TRPM3: variants seen among roughly 807,000 people sequenced by gnomAD.
TRPM3 encodes the protein transient receptor potential cation channel subfamily M member 3.
TRPM3 carries 77 observed loss-of-function variants against 181.2 expected under a neutral mutation model. That is an observed-to-expected ratio of 0.42 (90% CI 0.35 to 0.51). TRPM3 has a LOEUF of 0.51. Among genes scored for constraint, TRPM3 ranks in the 20% least tolerant of loss-of-function variants. The probability of loss-of-function intolerance (pLI) is 0.01; values close to 1 mark genes in which losing one functional copy is unlikely to be tolerated. For synonymous variants in TRPM3, 745 were observed against 796.4 expected (o/e 0.94, Z 1.09); for missense variants, 1,759 against 2,196.7 (o/e 0.80, Z 3.98).
chr9:70,867,069 G>A (rs2095664733), intron 1 of TRPM3, among the ~76,000 whole-genome samples: 1 of 152,022 alleles, frequency 6.6e-6, no homozygotes, highest in South Asian at 2.1e-4. Flanking sequence ...CTGGCTCCCA[G>A]AGACAGGTCT....
At chr9:70,741,947 C>T (rs2074196757) in intron 8 of TRPM3, among the ~76,000 whole-genome samples, 1 of 152,090 alleles carries the variant, frequency 6.6e-6, no homozygotes, top group Non-Finnish European at 1.5e-5. Flanking sequence ...AACCAAACAC[C>T]ATCTGTTCCC....
At chr9:71,343,108 G>C (rs1043777504) in intron 1 of TRPM3, among the ~76,000 whole-genome samples, 3 of 152,084 alleles carry the variant, frequency 2.0e-5, no homozygotes, top group Middle Eastern at 3.4e-3. Flanking sequence ...GGAAGGGAGG[G>C]GGGTAAAAGA....
chr9:70,980,067 G>GCACA lies in TRPM3; in HGVS notation c.178-115560_178-115557dup, dbSNP rs10527749. 4.8e-3 allele frequency among the ~76,000 whole-genome samples: 660 copies of GCACA among 137,960 alleles called. 9 individuals carry two copies. Among genetic ancestry groups the GCACA allele is most frequent in the African/African-American group, 0.017 (592 of 34,906 alleles). 90.5% of individuals were successfully genotyped at this position (137,960 alleles called of 152,430 possible). ...AGCATGTGTGGCCATGCATGTGCGTGCACACACACACACACACACACACAC... is the reference window on the plus strand; with the variant it reads ...AGCATGTGTGGCCATGCATGTGCGTGCACACACACACACACACACACACACACAC... On this transcript the variant is annotated intron_variant, in intron 1 of 25. Transcript: ENST00000677713.
At position 70,598,579 on chromosome 9, in the gene TRPM3, A is replaced by C; in HGVS notation, c.2888T>G (p.Leu963Arg). 6.2e-7 allele frequency: 1 copy of C among 1,614,230 alleles called. No individual in the cohort carries two copies. The highest frequency in any genetic ancestry group is 8.5e-7 in the Non-Finnish European group (1 of 1,180,030). The change falls in exon 21 of 26, where the codon CTG becomes CGG. Residue 963 changes from leucine to arginine, a missense_variant. Leu to Arg is a moderately radical substitution (Grantham distance 102, BLOSUM62 -2). Around this residue, in one of 8 missense-constraint regions of TRPM3, gnomAD observed 100 missense variants for 123.0 expected, o/e 0.81. Coordinates refer to ENST00000677713, the MANE Select transcript of TRPM3 (RefSeq NM_001366145.2). ...ACGAAGGATCATTCCGACAGAAAAC[A>C]GAAGGATGGCGATGAGGTCCGTGAC... The part of the protein sequence containing the change: ...WNVTDLIAIL[L>R]FSVGMILRLQ...
At chr9:71,372,669 T>C (rs971464403) in intron 1 of TRPM3, among the ~76,000 whole-genome samples, 5 of 152,182 alleles carry the variant, frequency 3.3e-5, no homozygotes, top group African/African-American at 1.2e-4. Flanking sequence ...GAAGAGTCTG[T>C]TCATGTTCTT....
chr9:71,086,381 A>AT (rs1399822407), intron 1 of TRPM3, among the ~76,000 whole-genome samples: 9 of 152,092 alleles, frequency 5.9e-5, no homozygotes, highest in Middle Eastern at 3.4e-3. Context: ...ATTCATTCTC[A>AT]TTTTTTCTCC....
chr9:71,272,126 T>C (rs1368627062), intron 1 of TRPM3, among the ~76,000 whole-genome samples: 1 of 152,118 alleles, frequency 6.6e-6, no homozygotes, highest in African/African-American at 2.4e-5. Context: ...ATAAATTGAA[T>C]TGAGAGAGCA....
rs1052296582 is a variant in TRPM3 at position 71,155,095 on chromosome 9, G to A, written c.184-290584C>T. On this transcript the variant is annotated intron_variant, in intron 1 of 24. Coordinates refer to the TRPM3 transcript ENST00000357533. ...AAGGCTTTATCAAATAGTATTAATT[G>A]TAAACTGAATCCAGCACACCCCTAT... is the stretch of plus-strand genomic sequence containing the variant. 2.0e-5 allele frequency among the ~76,000 whole-genome samples: 3 copies of A among 152,060 alleles called. No homozygotes were observed. The East Asian group carries it at 5.8e-4, about 29-fold the overall frequency.
chr9:70,977,357 A>G (rs902395434), intron 1 of TRPM3, among the ~76,000 whole-genome samples: 4 of 152,192 alleles, frequency 2.6e-5, no homozygotes, highest in Non-Finnish European at 4.4e-5. Context: ...GATGGGCTCC[A>G]TCTCCTGACC....
intron 1 of TRPM3, among the ~76,000 whole-genome samples, chr9:71,088,633 C>T (rs148682961): frequency 9.4e-4 from 143 of 152,160 alleles, no homozygotes; most frequent in Admixed American, 2.6e-3. Context: ...AGCCAATTGA[C>T]ATTACTAGGT....
chr9:70,827,410 G>A (rs1206624359), intron 6 of TRPM3: 1 of 152,804 alleles, frequency 6.5e-6, no homozygotes, highest in Non-Finnish European at 1.5e-5. Flanking sequence ...TTAGCTTAGA[G>A]AGTGAATGTT....
At chr9:70,789,577 A>G (rs540839764) in intron 6 of TRPM3, among the ~76,000 whole-genome samples, 7 of 152,280 alleles carry the variant, frequency 4.6e-5, no homozygotes, top group African/African-American at 1.7e-4. Context: ...TTCTACCATC[A>G]CCAAAGACTT....
intron 1 of TRPM3, among the ~76,000 whole-genome samples, chr9:71,284,425 C>T (rs1370465244): frequency 6.6e-6 from 1 of 152,108 alleles, no homozygotes; most frequent in Non-Finnish European, 1.5e-5. Context: ...GTGAAGAAAA[C>T]GTGGAGAATA....
chr9:71,432,394 T>G (rs1324714146), intron 1 of TRPM3, among the ~76,000 whole-genome samples: 1 of 150,436 alleles, frequency 6.6e-6, no homozygotes, highest in Non-Finnish European at 1.5e-5. Flanking sequence ...GCCTATTCAT[T>G]TGGGATGTTT....
chr9:70,767,015 C>T (rs562119121), intron 7 of TRPM3, among the ~76,000 whole-genome samples: 16 of 152,330 alleles, frequency 1.1e-4, no homozygotes, highest in East Asian at 5.8e-4. Flanking sequence ...CCTGCACAAG[C>T]GTATGCATTA....
intron 1 of TRPM3, among the ~76,000 whole-genome samples, chr9:71,347,537 T>TA (rs2091367101): frequency 6.6e-6 from 1 of 152,222 alleles, no homozygotes; most frequent in Non-Finnish European, 1.5e-5. Flanking sequence ...TGGTTAGTTT[T>TA]AAAATCACAA....
rs564673922 is a variant in TRPM3 at position 70,955,377 on chromosome 9, A to C, written c.178-90866T>G. On this transcript the variant is annotated intron_variant, in intron 1 of 25. Transcript: ENST00000677713. Reference sequence around the variant, plus strand: ...CATCCAATTATTTTTATTTTCATTTATACTTCATGTTCCTGTCTTCAGATA... The same window carrying C: ...CATCCAATTATTTTTATTTTCATTTCTACTTCATGTTCCTGTCTTCAGATA... 6.5e-4 allele frequency among the ~76,000 whole-genome samples: 99 copies of C among 152,272 alleles called. 1 individual carries two copies. Among genetic ancestry groups the C allele is most frequent in the Admixed American group, 2.2e-3 (33 of 15,278 alleles).
chr9:70,972,247 T>C (rs1329582118), intron 1 of TRPM3, among the ~76,000 whole-genome samples: 1 of 152,210 alleles, frequency 6.6e-6, no homozygotes, highest in Non-Finnish European at 1.5e-5. Context: ...AGGAATACAA[T>C]TGTGATTCAT....
chr9:70,582,491 G>T (rs958362234), intron 22 of TRPM3, among the ~76,000 whole-genome samples: 2 of 152,146 alleles, frequency 1.3e-5, no homozygotes, highest in Non-Finnish European at 2.9e-5. Context: ...TGGAGATACT[G>T]CAGTGAACAA....
Sources: allele counts gnomAD v4.1 joint callset (sites outside exome capture counted in the v4.1 genomes callset), GRCh38; gene constraint gnomAD v4.1.1; regional missense constraint gnomAD v4.1.1; transcripts MANE v1.5; gene names NCBI Gene and HGNC (gene_info 2026-07-23, HGNC 2026-07-21).